Variants in EPHA6 observed in about 807,000 individuals in gnomAD.
The protein encoded by EPHA6 is EPH receptor A6, also known as ephrin type-A receptor 6.
In EPHA6, 50 loss-of-function variants were observed where a neutral mutation model predicts 112.0. That is an observed-to-expected ratio of 0.45 (90% CI 0.36 to 0.56). EPHA6 has a LOEUF of 0.56. Ranked by LOEUF, EPHA6 falls within the 20% of genes least tolerant of loss-of-function variation. The pLI, the probability that EPHA6 is intolerant of heterozygous loss-of-function variation, is 0.00. For missense variants in EPHA6, 1,280 were observed against 1,417.4 expected, an observed-to-expected ratio of 0.90 and a Z score of 1.56; for synonymous variants, 529 against 490.7, an observed-to-expected ratio of 1.08 and a Z score of -1.03.
chr3:97,673,110 A>G (rs187406735), intron 14 of EPHA6, among the ~76,000 whole-genome samples: 2 of 152,344 alleles, frequency 1.3e-5, no homozygotes, highest in East Asian at 3.9e-4. Context: ...TTTTAAATGA[A>G]GAAACCTCTT....
intron 14 of EPHA6, among the ~76,000 whole-genome samples, chr3:97,662,835 C>A (rs1366309277): frequency 6.6e-6 from 1 of 152,298 alleles, no homozygotes; most frequent in East Asian, 1.9e-4. Flanking sequence ...CTGCCTGGGG[C>A]TTTTCATATC....
chr3:97,438,368 A>G (rs1019020869), intron 6 of EPHA6, among the ~76,000 whole-genome samples: 1 of 152,224 alleles, frequency 6.6e-6, no homozygotes, highest in Admixed American at 6.6e-5. Context: ...TGTTCCTAAG[A>G]AAACAAGTAT....
At chr3:96,833,997 A>G (rs1227568594) in intron 1 of EPHA6, among the ~76,000 whole-genome samples, 1 of 152,054 alleles carries the variant, frequency 6.6e-6, no homozygotes, top group Non-Finnish European at 1.5e-5. Context: ...ATGACTAAAT[A>G]TGCTTGGAAA....
chr3:97,007,026 T>C (rs983027588), intron 3 of EPHA6, among the ~76,000 whole-genome samples: 6 of 152,196 alleles, frequency 3.9e-5, no homozygotes, highest in African/African-American at 1.2e-4. Context: ...CTTCCAATTA[T>C]GTGGTCGATT....
At chr3:97,147,142 T>C (rs965981164) in intron 3 of EPHA6, among the ~76,000 whole-genome samples, 2 of 152,060 alleles carry the variant, frequency 1.3e-5, no homozygotes, top group African/African-American at 4.8e-5. Flanking sequence ...GAAACATAAC[T>C]CTTTCTACAG....
intron 11 of EPHA6, among the ~76,000 whole-genome samples, chr3:97,567,603 C>A (rs904519678): frequency 6.6e-6 from 1 of 151,902 alleles, no homozygotes. Context: ...ATATAACTGG[C>A]GTACAAATAA....
chr3:97,456,356 A>G (rs919857285), intron 7 of EPHA6, among the ~76,000 whole-genome samples: 2 of 152,034 alleles, frequency 1.3e-5, no homozygotes, highest in African/African-American at 4.8e-5. Context: ...TGTATATCAG[A>G]TTCTTAGAAC....
chr3:97,105,113 G>GT (rs148818880), intron 3 of EPHA6, among the ~76,000 whole-genome samples: 5,208 of 149,974 alleles, frequency 0.035, 278 homozygotes, highest in African/African-American at 0.11. Flanking sequence ...GCCTTTGAAT[G>GT]TTTTTTTTGT....
At chr3:97,357,396 T>TATATAG (rs2084139360) in intron 5 of EPHA6, among the ~76,000 whole-genome samples, 2 of 152,026 alleles carry the variant, frequency 1.3e-5, no homozygotes, top group African/African-American at 2.4e-5. Flanking sequence ...AGAACCGGGT[T>TATATAG]TCACCATGTT....
chr3:97,605,673 G>A (rs552528254), intron 12 of EPHA6, among the ~76,000 whole-genome samples: 1 of 151,534 alleles, frequency 6.6e-6, no homozygotes, highest in Non-Finnish European at 1.5e-5. Context: ...GTTTGAAGTT[G>A]GGTAATGATA....
At chr3:96,960,817 A>G (rs570993381) in intron 2 of EPHA6, among the ~76,000 whole-genome samples, 124 of 152,352 alleles carry the variant, frequency 8.1e-4, no homozygotes, top group African/African-American at 2.8e-3. Context: ...CTTATAGTAT[A>G]TCATAGCTGA....
intron 14 of EPHA6, among the ~76,000 whole-genome samples, chr3:97,666,668 A>G (rs937169269): frequency 6.6e-6 from 1 of 152,206 alleles, no homozygotes; most frequent in African/African-American, 2.4e-5. Flanking sequence ...GTATGACCTC[A>G]TTTTAGCAAA....
intron 2 of EPHA6, among the ~76,000 whole-genome samples, chr3:96,953,852 C>T (rs564131438): frequency 4.6e-5 from 7 of 152,040 alleles, no homozygotes; most frequent in Admixed American, 3.9e-4. Flanking sequence ...GGCTTTGTCT[C>T]CTTTCCCCTG....
At chr3:97,611,942 A>T (rs918783269) in intron 13 of EPHA6, among the ~76,000 whole-genome samples, 1 of 151,862 alleles carries the variant, frequency 6.6e-6, no homozygotes, top group Non-Finnish European at 1.5e-5. Flanking sequence ...TGATATATTT[A>T]TACTCTGACT....
chr3:97,579,241 A>G (rs2093415756), intron 11 of EPHA6, among the ~76,000 whole-genome samples: 1 of 152,178 alleles, frequency 6.6e-6, no homozygotes, highest in African/African-American at 2.4e-5. Context: ...TGCTGTAAAG[A>G]TGTGATTTGA....
At chr3:97,173,473 T>C (rs2076751646) in intron 3 of EPHA6, among the ~76,000 whole-genome samples, 1 of 151,810 alleles carries the variant, frequency 6.6e-6, no homozygotes, top group African/African-American at 2.4e-5. Context: ...TAGATTCTAG[T>C]CCTAAAATAT....
At chr3:97,623,773 T>C (rs1317824149) in intron 13 of EPHA6, among the ~76,000 whole-genome samples, 2 of 151,710 alleles carry the variant, frequency 1.3e-5, no homozygotes, top group Non-Finnish European at 3.0e-5. Context: ...TTCCAGCATA[T>C]GAATTTGGAA....
intron 2 of EPHA6, among the ~76,000 whole-genome samples, chr3:96,897,754 C>T (rs570505526): frequency 6.6e-6 from 1 of 152,244 alleles, no homozygotes; most frequent in South Asian, 2.1e-4. Flanking sequence ...AAATTTTTTT[C>T]TAGATGCATT....
intron 5 of EPHA6, among the ~76,000 whole-genome samples, chr3:97,273,383 G>T (rs1042305906): frequency 6.6e-6 from 1 of 152,128 alleles, no homozygotes; most frequent in African/African-American, 2.4e-5. Context: ...AGTTGAGAAT[G>T]GTGAATAGGT....
Sources: gnomAD v4.1 joint callset for allele counts (sites outside exome capture counted in the v4.1 genomes callset) on GRCh38, gnomAD v4.1.1 for gene constraint, MANE v1.5 for transcripts, NCBI Gene and HGNC (gene_info 2026-07-23, HGNC 2026-07-21) for gene names.